The following TBC1D15 variants were observed in gnomAD, a reference collection of about 807,000 sequenced individuals.
The protein encoded by TBC1D15 is GAP for RAB7.
In TBC1D15, 39 loss-of-function variants were observed where a neutral mutation model predicts 95.4. The ratio of observed to expected loss-of-function variants is 0.41; its 90% CI spans 0.32 to 0.53. The LOEUF is 0.53. TBC1D15 is among the 20% of genes least tolerant of loss of function. TBC1D15 has a pLI of 0.29. For missense variants in TBC1D15, 733 were observed against 794.3 expected, an observed-to-expected ratio of 0.92 and a Z score of 0.93; for synonymous variants, 258 against 261.3, an observed-to-expected ratio of 0.99 and a Z score of 0.12.
intron 10 of TBC1D15, 65 bp from the exon 11 acceptor site, chr12:71,906,957 A>T: frequency 9.9e-7 from 1 of 1,005,470 alleles, no homozygotes; most frequent in Non-Finnish European, 1.5e-6. Context: ...TACTTGTAAG[A>T]TGTGAGCTTT....
chr12:71,892,880 G>GC (rs1897434840), intron 5 of TBC1D15, among the ~76,000 whole-genome samples: 1 of 151,616 alleles, frequency 6.6e-6, no homozygotes. Flanking sequence ...AATAAAGCCA[G>GC]CTATCTTGTA....
chr12:71,919,755 G>A (rs897269528), intron 14 of TBC1D15, among the ~76,000 whole-genome samples: 2 of 152,156 alleles, frequency 1.3e-5, no homozygotes, highest in East Asian at 3.8e-4. Context: ...AAGCATGTGG[G>A]AGTTGTTTAT....
intron 5 of TBC1D15, among the ~76,000 whole-genome samples, chr12:71,892,148 AT>A (rs148489216): frequency 1.1e-4 from 17 of 151,826 alleles, no homozygotes; most frequent in African/African-American, 3.9e-4. Context: ...TTTAAAATGT[AT>A]TTTTTTTCCC....
intron 7 of TBC1D15, among the ~76,000 whole-genome samples, chr12:71,895,364 T>C (rs932345342): frequency 6.6e-6 from 1 of 152,112 alleles, no homozygotes; most frequent in African/African-American, 2.4e-5. Context: ...TCTAGGCTTG[T>C]ACATAGTTAG....
intron 10 of TBC1D15, among the ~76,000 whole-genome samples, chr12:71,902,096 C>T (rs958538055): frequency 1.3e-5 from 2 of 152,090 alleles, no homozygotes; most frequent in African/African-American, 4.8e-5. Flanking sequence ...AGAGATAACA[C>T]AAACAAATAG....
At chr12:71,890,851 T>C (rs908046018) in intron 5 of TBC1D15, among the ~76,000 whole-genome samples, 3 of 152,222 alleles carry the variant, frequency 2.0e-5, no homozygotes, top group Admixed American at 2.0e-4. Flanking sequence ...GATAAAAGAA[T>C]CAGCTACAAA....
At chr12:71,851,764 T>G (rs1887881944) in intron 1 of TBC1D15, among the ~76,000 whole-genome samples, 1 of 152,012 alleles carries the variant, frequency 6.6e-6, no homozygotes, top group Admixed American at 6.6e-5. Context: ...ATGCAAGGGG[T>G]GGGCACCCAA....
At chr12:71,917,900 T>C in intron 13 of TBC1D15, 103 bp downstream of exon 13, 3 of 722,316 alleles carry the variant, frequency 4.2e-6, no homozygotes, top group Non-Finnish European at 7.0e-6. Context: ...GGCTCATGCC[T>C]ATAATCCCAG....
chr12:71,873,003 G>C lies in TBC1D15; in HGVS notation c.204G>C (p.Lys68Asn). The change falls in exon 3 of 17, where the codon AAG becomes AAC. Residue 68 changes from lysine (K) to asparagine (N), a missense_variant and splice_region_variant. By Grantham distance (94) the Lys-to-Asn change is moderately conservative. Transcript: ENST00000485960. ...CCTCTAGTATTCTCTATGCTAGAAAGGTATTTAAGAAAAAAATGTGTTACT... is the reference window on the plus strand; with the variant it reads ...CCTCTAGTATTCTCTATGCTAGAAACGTATTTAAGAAAAAAATGTGTTACT... ...LDSSSILYAR[K>N]DSSSVVEWTQ... The C allele has an allele frequency of 6.3e-7, 1 of 1,598,296 alleles. No individual in the cohort carries two copies. The highest frequency in any genetic ancestry group is 8.5e-7 in the Non-Finnish European group (1 of 1,172,750).
chr12:71,896,624 T>TA (rs1295314684), intron 8 of TBC1D15, 53 bp from the exon 9 acceptor site: 8 of 1,468,386 alleles, frequency 5.4e-6, no homozygotes, highest in South Asian at 3.7e-5. Context: ...TTTGTGAACT[T>TA]ACAGTATTAC....
chr12:71,918,648 CT>C, intron 14 of TBC1D15, 100 bp downstream of exon 14: 1 of 737,328 alleles, frequency 1.4e-6, no homozygotes, highest in Non-Finnish European at 2.1e-6. Context: ...ACTGAAATAT[CT>C]AAGGCAAGTA....
chr12:71,843,335 G>A (rs923891659), intron 1 of TBC1D15, among the ~76,000 whole-genome samples: 4 of 151,956 alleles, frequency 2.6e-5, no homozygotes, highest in African/African-American at 9.7e-5. Context: ...ATTAGAATTT[G>A]TGATGTCATT....
intron 1 of TBC1D15, chr12:71,854,768 C>T (rs142494987): frequency 2.2e-6 from 1 of 456,672 alleles, no homozygotes; most frequent in Non-Finnish European, 4.4e-6. Context: ...TCCTCTCCCC[C>T]CCACCTTCTT....
intron 1 of TBC1D15, chr12:71,849,442 C>A (rs894157321): frequency 9.2e-6 from 10 of 1,090,416 alleles, no homozygotes; most frequent in Non-Finnish European, 1.4e-5. Flanking sequence ...ACTCCATGGG[C>A]CTCTTCAAGG....
At chr12:71,878,353 G>T (rs923092645) in intron 3 of TBC1D15, among the ~76,000 whole-genome samples, 1 of 151,934 alleles carries the variant, frequency 6.6e-6, no homozygotes, top group South Asian at 2.1e-4. Context: ...CTGATTATTG[G>T]CATGACCTAC....
intron 3 of TBC1D15, among the ~76,000 whole-genome samples, chr12:71,874,738 T>G (rs368561415): frequency 1.4e-5 from 2 of 146,332 alleles, no homozygotes. Flanking sequence ...TTCTCATGCC[T>G]CAGCCTTCCA....
At chr12:71,855,701 G>T (rs1888897872) in intron 1 of TBC1D15, among the ~76,000 whole-genome samples, 1 of 145,056 alleles carries the variant, frequency 6.9e-6, no homozygotes, top group African/African-American at 2.5e-5. Flanking sequence ...AAAGACGTTT[G>T]CCAATAACTC....
chr12:71,921,230 C>A (rs17110428), intron 15 of TBC1D15, 138 bp from the exon 16 acceptor site: 1 of 430,512 alleles, frequency 2.3e-6, no homozygotes, highest in Non-Finnish European at 4.0e-6. Context: ...GAATTTCTTA[C>A]GTATTTGTAG....
chr12:71,872,223 T>G, intron 2 of TBC1D15, 55 bp downstream of exon 2: 1 of 1,034,716 alleles, frequency 9.7e-7, no homozygotes, highest in African/African-American at 1.7e-5. Flanking sequence ...GTGATTCATC[T>G]TTGGAGAATT....
Sources: gnomAD v4.1 joint callset for allele counts (sites outside exome capture counted in the v4.1 genomes callset) on GRCh38, gnomAD v4.1.1 for gene constraint, MANE v1.5 for transcripts, NCBI Gene and HGNC (gene_info 2026-07-23, HGNC 2026-07-21) for gene names.